FAT3: variants seen among roughly 807,000 people sequenced by gnomAD.
The protein encoded by FAT3 is FAT atypical cadherin 3.
In FAT3, 95 loss-of-function variants were observed where a neutral mutation model predicts 310.2. The ratio of observed to expected loss-of-function variants is 0.31; its 90% CI spans 0.26 to 0.36. The LOEUF (loss-of-function observed/expected upper bound fraction) is 0.36, where lower values mean the gene tolerates loss of function less well. Among genes scored for constraint, FAT3 ranks in the 10% least tolerant of loss-of-function variants. The pLI is 1.00. For synonymous variants in FAT3, 2,314 were observed against 2,192.9 expected, an observed-to-expected ratio of 1.06 and a Z score of -1.54; for missense variants, 5,408 against 5,715.6, an observed-to-expected ratio of 0.95 and a Z score of 1.74.
At chr11:92,677,547 G>A (rs1326395874) in intron 3 of FAT3, among the ~76,000 whole-genome samples, 1 of 152,176 alleles carries the variant, frequency 6.6e-6, no homozygotes, top group Non-Finnish European at 1.5e-5. Flanking sequence ...CAGAATACCT[G>A]AGAATAGGTA....
At chr11:92,478,622 T>A (rs1389502581) in intron 2 of FAT3, among the ~76,000 whole-genome samples, 4 of 133,452 alleles carry the variant, frequency 3.0e-5, no homozygotes, top group East Asian at 2.0e-4. Context: ...ATCTGATACA[T>A]TTTTTTTTTT....
chr11:92,273,047 C>G (rs1264808294), intron 1 of FAT3, among the ~76,000 whole-genome samples: 1 of 152,160 alleles, frequency 6.6e-6, no homozygotes. Context: ...TGGGCATCCC[C>G]CATACCACTA....
At chr11:92,313,621 G>A (rs1947363573) in intron 1 of FAT3, among the ~76,000 whole-genome samples, 1 of 152,184 alleles carries the variant, frequency 6.6e-6, no homozygotes, top group African/African-American at 2.4e-5. Flanking sequence ...GTGCAGTGGT[G>A]CAATCTTGGC....
chr11:92,572,208 T>A (rs12363947), intron 3 of FAT3, among the ~76,000 whole-genome samples: 53,667 of 152,022 alleles, frequency 0.35, 10,405 homozygotes, highest in Non-Finnish European at 0.45. Context: ...CAGCTCCAAT[T>A]GAGTGATCTT....
chr11:92,339,197 G>T (rs961301737), intron 1 of FAT3, among the ~76,000 whole-genome samples: 6 of 152,142 alleles, frequency 3.9e-5, no homozygotes, highest in African/African-American at 1.4e-4. Context: ...GGGCTGTCCT[G>T]GGTAGGACAT....
chr11:92,714,954 AC>A (rs1944632981), intron 4 of FAT3, among the ~76,000 whole-genome samples: 1 of 152,112 alleles, frequency 6.6e-6, no homozygotes. Flanking sequence ...TGTTGGGGTT[AC>A]CTGACAGAAT....
intron 22 of FAT3, among the ~76,000 whole-genome samples, chr11:92,870,244 T>C (rs2399589): frequency 0.83 from 126,472 of 152,074 alleles, 52,852 homozygotes; most frequent in African/African-American, 0.9. Flanking sequence ...GCCCCAACCA[T>C]CTCTAAGCCC....
intron 2 of FAT3, among the ~76,000 whole-genome samples, chr11:92,417,941 C>T (rs894134040): frequency 2.6e-5 from 4 of 152,034 alleles, no homozygotes; most frequent in African/African-American, 9.7e-5. Context: ...GGTGCTTTAC[C>T]CCTAAACCAG....
At chr11:92,248,393 T>A (rs1176704443) in intron 1 of FAT3, among the ~76,000 whole-genome samples, 1 of 152,090 alleles carries the variant, frequency 6.6e-6, no homozygotes, top group Admixed American at 6.6e-5. Flanking sequence ...TTCCTCCAGT[T>A]TGGAATTGCC....
At chr11:92,772,504 GA>G (rs1946484658) in intron 6 of FAT3, among the ~76,000 whole-genome samples, 1 of 151,848 alleles carries the variant, frequency 6.6e-6, no homozygotes, top group Non-Finnish European at 1.5e-5. Context: ...TTTCAGCCTA[GA>G]CTCCCCCCTC....
In FAT3 at chr11:92,630,330, G is replaced by A. The variant is rs577246; in HGVS notation, c.3608-67054G>A. On this transcript the variant is annotated intron_variant, in intron 3 of 27. Coordinates refer to ENST00000525166, the MANE Select transcript of FAT3 (RefSeq NM_001367949.2). Reference sequence around the variant, plus strand: ...TGGTTTTCCCCAGGATACCATGCTCGGCCCTCTAATTTTATTTCCCTACAG... The same window carrying A: ...TGGTTTTCCCCAGGATACCATGCTCAGCCCTCTAATTTTATTTCCCTACAG... Among the ~76,000 whole-genome samples, 10 of 152,006 alleles carry A rather than the reference G, an allele frequency of 6.6e-5. No homozygotes were observed. The East Asian group carries it at 9.7e-4, about 15-fold the overall frequency.
At position 92,801,874 on chromosome 11, in the gene FAT3, C is replaced by T. The variant is rs1179045015; in HGVS notation, c.8861C>T (p.Ser2954Phe). 6.2e-7 allele frequency: 1 copy of T among 1,613,862 alleles called. No individual in the cohort carries two copies. Among genetic ancestry groups the T allele is most frequent in the East Asian group, 2.2e-5 (1 of 44,862 alleles). ...AVLSTWDRDT[S>F]DVNRQVSYHI... is the part of the protein sequence containing the mutation. ...CTCAGCACCTGGGACAGAGACACAT[C>T]CGACGTTAATCGCCAAGTGAGCTAC... Residue 2954 changes from serine (S) to phenylalanine (F), a missense_variant, in exon 10 of 28, where the codon TCC becomes TTC. Coordinates refer to ENST00000525166, the MANE Select transcript of FAT3 (RefSeq NM_001367949.2).
intron 3 of FAT3, among the ~76,000 whole-genome samples, chr11:92,602,134 C>A (rs962500888): frequency 6.6e-6 from 1 of 151,706 alleles, no homozygotes; most frequent in East Asian, 1.9e-4. Context: ...AGTGCAATGG[C>A]GCAATCTCGG....
intron 3 of FAT3, among the ~76,000 whole-genome samples, chr11:92,675,468 T>C (rs756211077): frequency 2.0e-5 from 3 of 152,234 alleles, no homozygotes; most frequent in African/African-American, 2.4e-5. Flanking sequence ...TGGGCAGATG[T>C]GTTATAGCTG....
intron 1 of FAT3, among the ~76,000 whole-genome samples, chr11:92,305,968 T>C (rs1390769481): frequency 6.6e-6 from 1 of 152,168 alleles, no homozygotes; most frequent in Non-Finnish European, 1.5e-5. Context: ...ATCATTGTTA[T>C]GTAGTTACGT....
At chr11:92,290,404 C>T (rs979274869) in intron 1 of FAT3, among the ~76,000 whole-genome samples, 1 of 152,116 alleles carries the variant, frequency 6.6e-6, no homozygotes, top group African/African-American at 2.4e-5. Context: ...TGAATGAATG[C>T]TTTCCAGCAC....
chr11:92,466,851 C>A (rs1472876230), intron 2 of FAT3, among the ~76,000 whole-genome samples: 2 of 150,200 alleles, frequency 1.3e-5, no homozygotes, highest in South Asian at 2.1e-4. Context: ...TTTGTCTTTG[C>A]TATAGTTTAC....
chr11:92,458,154 G>A (rs964699813), intron 2 of FAT3, among the ~76,000 whole-genome samples: 2 of 152,108 alleles, frequency 1.3e-5, no homozygotes, highest in Non-Finnish European at 2.9e-5. Context: ...ACAGTGCTAC[G>A]ATGAGACTAT....
chr11:92,251,857 T>A (rs1865155567), intron 1 of FAT3, among the ~76,000 whole-genome samples: 1 of 152,302 alleles, frequency 6.6e-6, no homozygotes, highest in African/African-American at 2.4e-5. Context: ...CAAGATCTTA[T>A]TTACTTTTAT....
Sources: allele counts gnomAD v4.1 joint callset (sites outside exome capture counted in the v4.1 genomes callset), GRCh38; gene constraint gnomAD v4.1.1; transcripts MANE v1.5; gene names NCBI Gene and HGNC (gene_info 2026-07-23, HGNC 2026-07-21).